The following TBC1D14 variants were observed in gnomAD, a reference collection of about 807,000 sequenced individuals.
TBC1D14 encodes TBC1 domain family, member 14.
A neutral mutation model predicts 79.0 loss-of-function variants in TBC1D14; 26 were observed. The observed-to-expected ratio is 0.33, with a 90% confidence interval of 0.24 to 0.46. The LOEUF is 0.46. Among genes scored for constraint, TBC1D14 ranks in the 20% least tolerant of loss-of-function variants. TBC1D14 has a pLI of 1.00. For missense variants in TBC1D14, 769 were observed against 887.6 expected (o/e 0.87, Z 1.70); for synonymous variants, 394 against 349.9 (o/e 1.13, Z -1.40).
At chr4:6,996,012 A>AT (rs909031340) in intron 4 of TBC1D14, among the ~76,000 whole-genome samples, 3 of 143,336 alleles carry the variant, frequency 2.1e-5, no homozygotes, top group African/African-American at 7.8e-5. Flanking sequence ...AATTTTTTGT[A>AT]TTTTTTAGTA....
At chr4:6,998,546 CT>C (rs11458209) in intron 5 of TBC1D14, among the ~76,000 whole-genome samples, 26 of 147,856 alleles carry the variant, frequency 1.8e-4, no homozygotes, top group Admixed American at 8.8e-4. Flanking sequence ...TTTTTTCTTT[CT>C]TTTTTTTTTG....
chr4:7,009,113 T>C (rs886428690), intron 9 of TBC1D14, among the ~76,000 whole-genome samples: 1 of 152,260 alleles, frequency 6.6e-6, no homozygotes, highest in African/African-American at 2.4e-5. Flanking sequence ...GTGGAGTGAC[T>C]TCTTATCTCT....
At chr4:6,971,444 G>T (rs1316611888) in intron 3 of TBC1D14, among the ~76,000 whole-genome samples, 1 of 152,216 alleles carries the variant, frequency 6.6e-6, no homozygotes, top group African/African-American at 2.4e-5. Context: ...TTCTAACTGG[G>T]CTGCATTCTT....
At chr4:6,926,532 A>G (rs780199294) in intron 2 of TBC1D14, among the ~76,000 whole-genome samples, 2 of 152,180 alleles carry the variant, frequency 1.3e-5, no homozygotes, top group Non-Finnish European at 2.9e-5. Flanking sequence ...TGGCTGTGAC[A>G]TTGTTATTGT....
chr4:6,921,149 G>A (rs909350773), intron 1 of TBC1D14, among the ~76,000 whole-genome samples: 3 of 152,166 alleles, frequency 2.0e-5, no homozygotes, highest in Admixed American at 1.3e-4. Context: ...TGCTCTCCGG[G>A]CTGGTGTGCC....
At position 7,022,869 on chromosome 4, in the gene TBC1D14, G is replaced by C. The variant is rs368514480; in HGVS notation, c.1758-2135G>C. On this transcript the variant is annotated intron_variant, in intron 12 of 13. Coordinates refer to ENST00000409757, the MANE Select transcript of TBC1D14 (RefSeq NM_020773.3). ...AACAAACTTTAGTTCTTTGGGCTTG[G>C]GGGGGTACATTGTAGAAATCTCTTT... Among the ~76,000 whole-genome samples the C allele has an allele frequency of 1.0e-3, 152 of 152,022 alleles. 3 individuals carry two copies. In the South Asian group the frequency reaches 0.031, roughly 31 times the overall value.
chr4:6,975,486 C>T (rs1577107246), intron 3 of TBC1D14, among the ~76,000 whole-genome samples: 1 of 152,218 alleles, frequency 6.6e-6, no homozygotes, highest in East Asian at 1.9e-4. Flanking sequence ...GCTGGGATTA[C>T]AGGTGTGAGC....
At chr4:6,970,934 G>T (rs1716168541) in intron 3 of TBC1D14, among the ~76,000 whole-genome samples, 2 of 143,022 alleles carry the variant, frequency 1.4e-5, no homozygotes, top group African/African-American at 2.6e-5. Flanking sequence ...GTGCACACTG[G>T]CCAGGAGCTT....
At chr4:6,959,465 T>C (rs926826749) in intron 2 of TBC1D14, among the ~76,000 whole-genome samples, 1 of 152,130 alleles carries the variant, frequency 6.6e-6, no homozygotes, top group Non-Finnish European at 1.5e-5. Flanking sequence ...TCCCCCGGGC[T>C]GGTGTGAAGG....
At chr4:7,001,466 G>T in intron 7 of TBC1D14, 1 of 520,160 alleles carries the variant, frequency 1.9e-6, no homozygotes. Context: ...AGGAGCTCTT[G>T]AATAGAGGGG....
At chr4:6,927,273 G>A (rs1017621004) in intron 2 of TBC1D14, among the ~76,000 whole-genome samples, 3 of 152,082 alleles carry the variant, frequency 2.0e-5, no homozygotes, top group Non-Finnish European at 4.4e-5. Context: ...ATGGGGGCGG[G>A]CACAAGTGCT....
intron 3 of TBC1D14, among the ~76,000 whole-genome samples, chr4:6,969,050 G>A (rs968400675): frequency 1.3e-5 from 2 of 152,160 alleles, no homozygotes; most frequent in Admixed American, 6.5e-5. Flanking sequence ...TTCTTCACGC[G>A]TCGGCAGGTT....
intron 12 of TBC1D14, among the ~76,000 whole-genome samples, chr4:7,019,107 C>T (rs111785992): frequency 5.3e-5 from 8 of 151,444 alleles, no homozygotes; most frequent in East Asian, 1.9e-4. Context: ...CTGCAAGCTC[C>T]GCCTCCCGGA....
In TBC1D14 at chr4:6,980,652, A is replaced by T. The variant is rs1034566579; in HGVS notation, c.843+13228A>T. 2.6e-5 allele frequency among the ~76,000 whole-genome samples: 4 copies of T among 152,228 alleles called. 1 individual carries two copies. Among genetic ancestry groups the T allele is most frequent in the Non-Finnish European group, 5.9e-5 (4 of 68,046 alleles). ...AAAAGAGAATAAAATTAGCAAAAGG[A>T]ATGAAAAAAGGGGATACCACTACAG... On this transcript the variant is annotated intron_variant, in intron 3 of 13. Coordinates refer to ENST00000409757, the MANE Select transcript of TBC1D14 (RefSeq NM_020773.3).
chr4:7,029,287 TG>T (rs1441728528), intron 13 of TBC1D14, among the ~76,000 whole-genome samples: 2 of 152,256 alleles, frequency 1.3e-5, no homozygotes, highest in Non-Finnish European at 2.9e-5. Context: ...TGACTCAAAG[TG>T]GCATGGTTCC....
rs192401855 is a variant in TBC1D14 at position 6,971,253 on chromosome 4, T to C, written c.843+3829T>C. 9.8e-5 allele frequency among the ~76,000 whole-genome samples: 15 copies of C among 152,378 alleles called. No individual in the cohort carries two copies. In the East Asian group the frequency reaches 2.5e-3, roughly 25 times the overall value. On this transcript the variant is annotated intron_variant, in intron 3 of 13. Transcript: ENST00000409757. ...GGCATTATGACATCTACTTGCTTAATTGTTCTACACTAAGGGATAATGCGC... is the reference window on the plus strand; with the variant it reads ...GGCATTATGACATCTACTTGCTTAACTGTTCTACACTAAGGGATAATGCGC...
chr4:7,018,939 A>C (rs1721543189), intron 12 of TBC1D14, among the ~76,000 whole-genome samples: 1 of 152,236 alleles, frequency 6.6e-6, no homozygotes, highest in Non-Finnish European at 1.5e-5. Context: ...ATCGGGGACT[A>C]CATTCCATGT....
intron 1 of TBC1D14, among the ~76,000 whole-genome samples, chr4:6,912,225 C>G (rs1329767012): frequency 5.9e-5 from 9 of 151,818 alleles, no homozygotes; most frequent in African/African-American, 1.9e-4. Flanking sequence ...CCTGTCTATA[C>G]TAAAAATACA....
chr4:7,015,450 CT>C (rs1721186563), intron 12 of TBC1D14, among the ~76,000 whole-genome samples: 1 of 152,088 alleles, frequency 6.6e-6, no homozygotes, highest in African/African-American at 2.4e-5. Flanking sequence ...GTGGATTTGA[CT>C]TCAGATGGGT....
Sources: allele counts gnomAD v4.1 joint callset (sites outside exome capture counted in the v4.1 genomes callset), GRCh38; gene constraint gnomAD v4.1.1; transcripts MANE v1.5; gene names NCBI Gene and HGNC (gene_info 2026-07-23, HGNC 2026-07-21).